The following FER variants were observed in gnomAD, a reference collection of about 807,000 sequenced individuals.
FER encodes the protein FER tyrosine kinase.
Under a neutral mutation model 111.0 loss-of-function variants are expected in FER, and 63 were observed. The ratio of observed to expected loss-of-function variants is 0.57; its 90% confidence interval spans 0.46 to 0.70. FER has a LOEUF of 0.70. FER is among the 30% of genes least tolerant of loss of function. The pLI is 0.00. For synonymous variants in FER, 327 were observed against 313.9 expected (o/e 1.04, Z -0.44); for missense variants, 914 against 954.0 (o/e 0.96, Z 0.55).
intron 3 of FER, among the ~76,000 whole-genome samples, chr5:108,806,073 C>A (rs1757173665): frequency 6.6e-6 from 1 of 152,176 alleles, no homozygotes; most frequent in African/African-American, 2.4e-5. Context: ...CCCAGGGTCC[C>A]TGTGTTACGT....
intron 10 of FER, among the ~76,000 whole-genome samples, chr5:108,937,118 T>C (rs1755575388): frequency 6.6e-6 from 1 of 152,072 alleles, no homozygotes; most frequent in African/African-American, 2.4e-5. Context: ...TGATGTCTAA[T>C]AGCTCCTGTC....
At chr5:108,889,261 A>G (rs1473802552) in intron 9 of FER, among the ~76,000 whole-genome samples, 1 of 151,932 alleles carries the variant, frequency 6.6e-6, no homozygotes, top group Admixed American at 6.6e-5. Flanking sequence ...TTACACTCCC[A>G]TGTTTATTGC....
rs545546352 is a variant in FER, at chr5:109,178,493, A to C, written c.2049-2254A>C. The stretch of plus-strand genomic sequence containing the variant: ...TACTAACAGTGAAATCCTATACACG[A>C]CTAAAGTGTTGCAGTGACTGAAAAC... On this transcript the variant is annotated intron_variant, in intron 17 of 19. Transcript: ENST00000281092. 7.2e-5 allele frequency among the ~76,000 whole-genome samples: 11 copies of C among 152,340 alleles called. No individual in the cohort carries two copies. In the East Asian group the frequency reaches 2.1e-3, roughly 29 times the overall value.
chr5:108,881,771 C>T (rs1255987195), intron 8 of FER, among the ~76,000 whole-genome samples: 1 of 151,926 alleles, frequency 6.6e-6, no homozygotes, highest in Non-Finnish European at 1.5e-5. Flanking sequence ...TGTGCTGCTT[C>T]TTCTTATAAG....
intron 3 of FER, among the ~76,000 whole-genome samples, chr5:108,820,842 T>C (rs1225611263): frequency 6.6e-6 from 1 of 152,184 alleles, no homozygotes; most frequent in Non-Finnish European, 1.5e-5. Context: ...AACAGAGTCT[T>C]AGGCCAGGTG....
At chr5:108,887,938 A>AATTTTGT (rs1437575707) in intron 9 of FER, among the ~76,000 whole-genome samples, 2 of 151,828 alleles carry the variant, frequency 1.3e-5, no homozygotes, top group Non-Finnish European at 2.9e-5. Context: ...ATGATTATTT[A>AATTTTGT]ATTTTGTATT....
At chr5:109,147,117 T>A (rs10074150) in intron 17 of FER, among the ~76,000 whole-genome samples, 63,202 of 151,462 alleles carry the variant, frequency 0.42, 13,460 homozygotes, top group African/African-American at 0.46. Flanking sequence ...AAGTGATTAC[T>A]CAGACTTCTC....
chr5:109,073,517 C>A (rs1775996960), intron 16 of FER, among the ~76,000 whole-genome samples: 1 of 151,986 alleles, frequency 6.6e-6, no homozygotes, highest in Admixed American at 6.6e-5. Context: ...CTTAGCATGT[C>A]TTTGTTTTGT....
intron 15 of FER, among the ~76,000 whole-genome samples, chr5:109,045,793 A>T (rs1007168928): frequency 6.6e-6 from 1 of 152,228 alleles, no homozygotes; most frequent in African/African-American, 2.4e-5. Context: ...TTATCTCTTC[A>T]TGCAATCTCA....
intron 5 of FER, among the ~76,000 whole-genome samples, chr5:108,854,348 C>T (rs376547588): frequency 3.3e-5 from 5 of 152,082 alleles, no homozygotes; most frequent in African/African-American, 7.2e-5. Flanking sequence ...GCACTAGAGC[C>T]GTTTCAAACA....
intron 9 of FER, 57 bp from the exon 10 acceptor site, chr5:108,897,602 G>T: frequency 2.4e-6 from 3 of 1,240,842 alleles, no homozygotes; most frequent in Non-Finnish European, 3.2e-6. Context: ...ACATATATGA[G>T]GTTTCCTTAA....
chr5:108,875,359 T>C (rs1764985000), intron 8 of FER, among the ~76,000 whole-genome samples: 1 of 152,080 alleles, frequency 6.6e-6, no homozygotes, highest in African/African-American at 2.4e-5. Context: ...ATATATAATA[T>C]AATTTCTCTC....
chr5:109,102,250 T>C (rs1340589970), intron 17 of FER, among the ~76,000 whole-genome samples: 2 of 152,168 alleles, frequency 1.3e-5, no homozygotes, highest in Non-Finnish European at 2.9e-5. Flanking sequence ...TCACAAATTT[T>C]TGAAAGTTAA....
At chr5:108,874,599 T>G (rs997231462) in intron 8 of FER, among the ~76,000 whole-genome samples, 2 of 152,074 alleles carry the variant, frequency 1.3e-5, no homozygotes, top group Non-Finnish European at 2.9e-5. Flanking sequence ...AATATAAGAC[T>G]TAGAAAAATC....
chr5:108,969,160 T>A lies in FER; in HGVS notation c.1656+9813T>A, dbSNP rs1167944192. On this transcript the variant is annotated intron_variant, in intron 13 of 19. Coordinates refer to ENST00000281092, the MANE Select transcript of FER (RefSeq NM_005246.4). The stretch of plus-strand genomic sequence containing the variant: ...CAAAACTGTAAAATGTATATATCTT[T>A]GATTCAGCAATAACACTTTTACAAC... Among the ~76,000 whole-genome samples, 3 of 152,198 alleles carry A rather than the reference T, an allele frequency of 2.0e-5. No homozygotes were observed. In the East Asian group the frequency reaches 5.8e-4, roughly 29 times the overall value.
chr5:109,089,854 T>A (rs1777967016), intron 16 of FER, among the ~76,000 whole-genome samples: 3 of 152,158 alleles, frequency 2.0e-5, no homozygotes, highest in Admixed American at 6.5e-5. Flanking sequence ...CAAACACTGA[T>A]GAAACAAGCA....
At chr5:108,752,804 T>C (rs1338449623) in intron 1 of FER, among the ~76,000 whole-genome samples, 3 of 152,062 alleles carry the variant, frequency 2.0e-5, no homozygotes, top group Admixed American at 2.0e-4. Context: ...TTTAAAAATA[T>C]TCATATCAGA....
intron 9 of FER, among the ~76,000 whole-genome samples, chr5:108,887,209 G>T (rs1272460393): frequency 6.6e-6 from 1 of 151,410 alleles, no homozygotes; most frequent in Non-Finnish European, 1.5e-5. Context: ...TTAAATTAAT[G>T]GAATTATATT....
Position 109,003,403 on chromosome 5 carries a change from G to T in FER, c.1657-34019G>T, listed in dbSNP as rs1325620826. Among the ~76,000 whole-genome samples, 3 of 152,086 alleles carry T rather than the reference G, an allele frequency of 2.0e-5. No homozygotes were observed. In the East Asian group the frequency reaches 5.8e-4, roughly 29 times the overall value. On this transcript the variant is annotated intron_variant, in intron 13 of 19. Transcript: ENST00000281092. The stretch of plus-strand genomic sequence containing the variant: ...ACACCGCATGTTCTCACTCATAGGT[G>T]GGAATTGAACAATGAGAACACATGG...
Sources: allele counts gnomAD v4.1 joint callset (sites outside exome capture counted in the v4.1 genomes callset), GRCh38; gene constraint gnomAD v4.1.1; transcripts MANE v1.5; gene names NCBI Gene and HGNC (gene_info 2026-07-23, HGNC 2026-07-21).